Variants in MYH10 observed in about 807,000 individuals in gnomAD.
The protein encoded by MYH10 is myosin heavy chain 10.
In MYH10, 55 loss-of-function variants were observed where a neutral mutation model predicts 257.8. The observed-to-expected ratio is 0.21, with a 90% CI of 0.17 to 0.27. The LOEUF (loss-of-function observed/expected upper bound fraction) is 0.27. Ranked by LOEUF, MYH10 falls within the 10% of genes least tolerant of loss-of-function variation. The pLI is 1.00. For missense variants in MYH10, 1,631 were observed against 2,500.6 expected (o/e 0.65, Z 7.42); for synonymous variants, 854 against 921.7 (o/e 0.93, Z 1.33).
In MYH10 at chr17:8,487,424, G is replaced by A. The variant is rs749771289; in HGVS notation, c.5046+9C>T. The A allele has an allele frequency of 9.9e-6, 16 of 1,613,862 alleles. No homozygotes were observed. Among genetic ancestry groups the A allele is most frequent in the Non-Finnish European group, 1.3e-5 (15 of 1,180,034 alleles). On this transcript the variant is annotated intron_variant, in intron 36 of 42. Coordinates refer to ENST00000360416, the MANE Select transcript of MYH10 (RefSeq NM_001256012.3). ...GCCATCCAGAGACTCCATGGGTGAAGGCACATACCTGGAGCTTGCGGAGCT... is the reference window on the plus strand; with the variant it reads ...GCCATCCAGAGACTCCATGGGTGAAAGCACATACCTGGAGCTTGCGGAGCT...
chr17:8,552,000 G>C (rs749301559), intron 9 of MYH10, 46 bp downstream of exon 9: 2 of 1,067,400 alleles, frequency 1.9e-6, no homozygotes, highest in Non-Finnish European at 2.6e-6. Context: ...AAAATTAAAA[G>C]AGATATTCCA....
chr17:8,568,185 G>A lies in MYH10; in HGVS notation c.756+1535C>T, dbSNP rs984937345. Among the ~76,000 whole-genome samples, 11 of 152,270 alleles carry A rather than the reference G, an allele frequency of 7.2e-5. No homozygotes were observed. In the South Asian group the frequency reaches 8.3e-4, roughly 11 times the overall value. On this transcript the variant is annotated intron_variant, in intron 7 of 42. Transcript: ENST00000360416. ...CTCGTGGGTGGCTTTCAAGTGGCAC[G>A]CAGCCGAACTTGGGTTCAGTTATGA...
chr17:8,606,648 C>G (rs370590106), intron 2 of MYH10, among the ~76,000 whole-genome samples: 1 of 152,220 alleles, frequency 6.6e-6, no homozygotes, highest in Non-Finnish European at 1.5e-5. Context: ...TCAGAACTGT[C>G]TCTCTGGCTG....
At chr17:8,557,130 A>G (rs1694211826) in intron 7 of MYH10, among the ~76,000 whole-genome samples, 1 of 152,170 alleles carries the variant, frequency 6.6e-6, no homozygotes, top group Admixed American at 6.5e-5. Flanking sequence ...ATGAGTAGTC[A>G]GTTTGGGATG....
Position 8,478,770 on chromosome 17 carries a change from G to A in MYH10, c.5598-324C>T, listed in dbSNP as rs149805724. 5.2e-3 allele frequency among the ~76,000 whole-genome samples: 795 copies of A among 152,228 alleles called. 11 individuals are homozygous for A. Among genetic ancestry groups the A allele is most frequent in the African/African-American group, 0.017 (707 of 41,554 alleles). On this transcript the variant is annotated intron_variant, in intron 40 of 42. Transcript: ENST00000360416. Reference sequence around the variant, plus strand: ...TTTTGAGATGCAGTCTTGCTCTGTCGCCCAGGCTGGGGTGCAGTGGCGCCA... The same window carrying A: ...TTTTGAGATGCAGTCTTGCTCTGTCACCCAGGCTGGGGTGCAGTGGCGCCA...
At position 8,474,401 on chromosome 17, in the gene MYH10, A is replaced by C. The variant is rs1469568885; in HGVS notation, c.*1403T>G. 1 of 152,618 alleles carries C rather than the reference A, an allele frequency of 6.6e-6. No homozygotes were observed. Among genetic ancestry groups the C allele is most frequent in the Non-Finnish European group, 1.5e-5 (1 of 68,042 alleles). The allele number at this position is 152,618 out of a possible 1,614,324, so 9.5% of individuals were successfully genotyped here. A position where few individuals can be genotyped will look rare whatever the true frequency, so the allele number is the denominator to read the frequency against. On this transcript the variant is annotated 3_prime_UTR_variant, in exon 43 of 43. Coordinates refer to ENST00000360416, the MANE Select transcript of MYH10 (RefSeq NM_001256012.3). ...GTGTCTGGTGGTCAACAGCCAGTAC[A>C]GTTCATAAAGGGGGAAAATCCAAGA...
chr17:8,553,820 G>C, intron 8 of MYH10, 135 bp downstream of exon 8: 1 of 682,666 alleles, frequency 1.5e-6, no homozygotes, highest in Non-Finnish European at 2.6e-6. Flanking sequence ...GAAAGTATTT[G>C]AACAAGGCAT....
intron 40 of MYH10, among the ~76,000 whole-genome samples, chr17:8,479,374 AT>A (rs1402025607): frequency 6.6e-6 from 1 of 152,238 alleles, no homozygotes; most frequent in African/African-American, 2.4e-5. Context: ...AGAAAAAGTT[AT>A]TTTGTTGCTT....
At chr17:8,605,113 C>T (rs1242405620) in intron 2 of MYH10, 131 bp from the exon 3 acceptor site, 1 of 491,228 alleles carries the variant, frequency 2.0e-6, no homozygotes. Flanking sequence ...TAATCTATCC[C>T]CCAAATTAAA....
intron 16 of MYH10, among the ~76,000 whole-genome samples, chr17:8,532,196 G>C (rs1567857743): frequency 2.0e-5 from 3 of 152,222 alleles, no homozygotes. Flanking sequence ...GCAGAGGCTA[G>C]CAGAGCCAAA....
chr17:8,586,232 C>T (rs954479997), intron 4 of MYH10, among the ~76,000 whole-genome samples: 1 of 152,164 alleles, frequency 6.6e-6, no homozygotes, highest in Admixed American at 6.6e-5. Flanking sequence ...AGGATATATG[C>T]CTTTTATTTC....
At chr17:8,607,313 G>A (rs377679763) in intron 2 of MYH10, among the ~76,000 whole-genome samples, 22 of 152,178 alleles carry the variant, frequency 1.4e-4, no homozygotes, top group East Asian at 5.8e-4. Flanking sequence ...CCCATAGCAC[G>A]TATGGCATGG....
chr17:8,525,939 C>T (rs1202240836), intron 17 of MYH10, among the ~76,000 whole-genome samples: 2 of 152,078 alleles, frequency 1.3e-5, no homozygotes. Flanking sequence ...ACTATAGGTG[C>T]CTGCCACCAT....
intron 7 of MYH10, among the ~76,000 whole-genome samples, chr17:8,556,019 C>G (rs1338693894): frequency 6.6e-6 from 1 of 152,040 alleles, no homozygotes. Flanking sequence ...GAATGGCCAA[C>G]AAGTATATGA....
At chr17:8,508,506 A>C (rs771539789) in intron 26 of MYH10, 48 bp downstream of exon 26, 1 of 1,610,072 alleles carries the variant, frequency 6.2e-7, no homozygotes, top group Admixed American at 1.7e-5. Flanking sequence ...GTAAAAGCTA[A>C]ACACTCACAT....
At chr17:8,540,644 C>T (rs2082266565) in intron 14 of MYH10, among the ~76,000 whole-genome samples, 1 of 152,108 alleles carries the variant, frequency 6.6e-6, no homozygotes, top group Non-Finnish European at 1.5e-5. Flanking sequence ...TATGGGTTCT[C>T]GTCCATCCTA....
Position 8,535,800 on chromosome 17 carries a change from T to C in MYH10, c.1737A>G (p.Leu579=). Residue 579 remains leucine (L), a synonymous_variant, in exon 15 of 43, where the codon TTA becomes TTG. Coordinates refer to ENST00000360416, the MANE Select transcript of MYH10 (RefSeq NM_001256012.3). This position sits in a 1 kb window ranked among gnomAD's most constrained non-coding sequence, Gnocchi z 4.3. The stretch of plus-strand genomic sequence containing the variant: ...TAATGCAAAAATCAGCTTTGTCTTT[T>C]AATTGTCGAGGTTTCTGAAACTTGG... ...SHSKFQKPRQ[L]KDKADFCIIH... The C allele has an allele frequency of 6.2e-7, 1 of 1,614,226 alleles. No individual in the cohort carries two copies. Among genetic ancestry groups the C allele is most frequent in the African/African-American group, 1.3e-5 (1 of 75,072 alleles).
At chr17:8,491,843 C>A (rs74901720) in intron 34 of MYH10, among the ~76,000 whole-genome samples, 1 of 152,172 alleles carries the variant, frequency 6.6e-6, no homozygotes, top group African/African-American at 2.4e-5. Context: ...TGTGGATAAG[C>A]CCCCAAAGCT....
chr17:8,605,742 C>CACAA lies in MYH10; in HGVS notation c.346-764_346-761dup, dbSNP rs537193543. ...CCTGGGTAAGAAAGTGAGACTCCAT[C>CACAA]ACAAACAAACAAACAAACAAACAAA... is the stretch of plus-strand genomic sequence containing the variant. On this transcript the variant is annotated intron_variant, in intron 2 of 42. Coordinates refer to ENST00000360416, the MANE Select transcript of MYH10 (RefSeq NM_001256012.3). 6.4e-3 allele frequency among the ~76,000 whole-genome samples: 971 copies of CACAA among 152,090 alleles called. 7 individuals carry two copies. Among genetic ancestry groups the CACAA allele is most frequent in the African/African-American group, 0.019 (770 of 41,468 alleles).
Sources: gnomAD v4.1 joint callset for allele counts (sites outside exome capture counted in the v4.1 genomes callset) on GRCh38, gnomAD v4.1.1 for gene constraint, Gnocchi (gnomAD v3.1) non-coding constraint, MANE v1.5 for transcripts, NCBI Gene and HGNC (gene_info 2026-07-23, HGNC 2026-07-21) for gene names.